SPACA6: variants seen among roughly 807,000 people sequenced by gnomAD.
SPACA6 encodes sperm acrosome membrane-associated protein 6.
For synonymous variants in SPACA6, 6 were observed against 1.5 expected, an observed-to-expected ratio of 4.05 and a Z score of -2.21; for missense variants, 8 against 2.8, an observed-to-expected ratio of 2.88 and a Z score of -1.34.
At chr19:51,694,449 C>T in intron 1 of SPACA6, 29 bp from the exon 2 acceptor site, 1 of 399,584 alleles carries the variant, frequency 2.5e-6, no homozygotes, top group East Asian at 3.6e-5. Flanking sequence ...GCTGCCTCCC[C>T]CAGCCCCTGC....
chr19:51,707,231 T>C (rs1228811396), downstream of SPACA6, among the ~76,000 whole-genome samples: 3 of 49,502 alleles, frequency 6.1e-5, no homozygotes, highest in Non-Finnish European at 1.0e-4. Context: ...TCTCTCTCCC[T>C]TTTTTTTTTT....
At chr19:51,705,800 G>A (rs76889548), downstream of SPACA6, among the ~76,000 whole-genome samples, 11,996 of 151,966 alleles carry the variant, frequency 0.079, 596 homozygotes, top group African/African-American at 0.14. Flanking sequence ...GGGTTCAAGC[G>A]ATTCTTCTGC....
intron 2 of SPACA6, among the ~76,000 whole-genome samples, chr19:51,711,880 A>T (rs980649792): frequency 1.3e-4 from 20 of 152,312 alleles, no homozygotes; most frequent in African/African-American, 4.8e-4. Context: ...TCTTAGGGGG[A>T]TAAAGGGGTG....
At chr19:51,700,815 C>A (rs2083463215) in intron 2 of SPACA6, among the ~76,000 whole-genome samples, 1 of 152,062 alleles carries the variant, frequency 6.6e-6, no homozygotes. Context: ...AAACAGGGAA[C>A]TTGGTTAGAT....
At position 51,696,597 on chromosome 19, in the gene SPACA6, G is replaced by A. The variant is rs187475285; in HGVS notation, c.292+2042G>A. 1.5e-3 allele frequency among the ~76,000 whole-genome samples: 226 copies of A among 151,870 alleles called. 1 individual carries two copies. The highest frequency in any genetic ancestry group is 1.1e-3 in the Non-Finnish European group (76 of 67,938). ...CAAGTAGCTGGGACTATAGGTGTGC[G>A]CCACCATCTTTGGCTAATTTTTTAA... On this transcript the variant is annotated intron_variant, in intron 2 of 8. Transcript: ENST00000637797.
intron 2 of SPACA6, among the ~76,000 whole-genome samples, chr19:51,698,006 C>T (rs1005705291): frequency 6.6e-6 from 1 of 152,160 alleles, no homozygotes; most frequent in African/African-American, 2.4e-5. Flanking sequence ...GACACCATCT[C>T]ATACAATCAT....
upstream of SPACA6, among the ~76,000 whole-genome samples, chr19:51,688,937 G>GGAGGGA (rs2083343928): frequency 3.4e-5 from 5 of 147,360 alleles, no homozygotes; most frequent in Admixed American, 3.3e-4. Context: ...GAGAAGGGAG[G>GGAGGGA]GAGGGAGAGA....
At position 51,704,194 on chromosome 19, in the gene SPACA6, G is replaced by A. The variant is rs1161565141; in HGVS notation, c.730+8G>A. On this transcript the variant is annotated splice_region_variant and intron_variant, in intron 7 of 8. Coordinates refer to ENST00000637797, the MANE Select transcript of SPACA6 (RefSeq NM_001316972.2). The stretch of plus-strand genomic sequence containing the variant: ...TCTACTTCTTTCTTAACGGTGGGGC[G>A]GGGCGCGGCCGCGTGAGTGAGCGGG... 1 of 400,918 alleles carries A rather than the reference G, an allele frequency of 2.5e-6. No individual in the cohort carries two copies. The highest frequency in any genetic ancestry group is 2.1e-5 in the African/African-American group (1 of 48,684). 24.8% of individuals were successfully genotyped at this position (400,918 alleles called of 1,614,324 possible).
At chr19:51,708,204 G>T (rs117406907), downstream of SPACA6, among the ~76,000 whole-genome samples, 1 of 152,214 alleles carries the variant, frequency 6.6e-6, no homozygotes, top group Non-Finnish European at 1.5e-5. Flanking sequence ...AAACGATGCT[G>T]TTATCACCCA....
chr19:51,688,902 G>GGA (rs138147326), upstream of SPACA6, among the ~76,000 whole-genome samples: 27 of 70,928 alleles, frequency 3.8e-4, no homozygotes, highest in South Asian at 2.0e-3. Context: ...AGGGAAAGAG[G>GGA]GAGAGAGAGA....
At chr19:51,701,988 C>G (rs1282171211) in intron 3 of SPACA6, among the ~76,000 whole-genome samples, 1 of 152,154 alleles carries the variant, frequency 6.6e-6, no homozygotes, top group Non-Finnish European at 1.5e-5. Flanking sequence ...AGGAAAATTG[C>G]TTGAACCCTG....
chr19:51,693,221 C>G, upstream of SPACA6: 1 of 620,110 alleles, frequency 1.6e-6, no homozygotes, highest in South Asian at 1.6e-5. Context: ...CTGACCCCCA[C>G]CCCAGGGTCT....
upstream of SPACA6, chr19:51,693,023 CCT>C (rs2083389116): frequency 2.7e-6 from 1 of 367,726 alleles, no homozygotes; most frequent in Non-Finnish European, 5.5e-6. Context: ...GTTTTCCTTC[CCT>C]GTCTGTCTCC....
chr19:51,694,396 TCAGAAA>T (rs1454137884), intron 1 of SPACA6, 76 bp from the exon 2 acceptor site: 6 of 397,794 alleles, frequency 1.5e-5, no homozygotes, highest in African/African-American at 1.2e-4. Flanking sequence ...GGGCAGAGAC[TCAGAAA>T]CAGAATGTTC....
chr19:51,690,775 G>T (rs1271881222), upstream of SPACA6, among the ~76,000 whole-genome samples: 1 of 152,130 alleles, frequency 6.6e-6, no homozygotes, highest in African/African-American at 2.4e-5. Context: ...GTTGGCGGGT[G>T]GGGGAGATGC....
At chr19:51,698,631 A>G (rs2083446894) in intron 2 of SPACA6, among the ~76,000 whole-genome samples, 1 of 152,156 alleles carries the variant, frequency 6.6e-6, no homozygotes, top group South Asian at 2.1e-4. Context: ...CTCATTTGGA[A>G]CCCACTTCTG....
chr19:51,702,496 C>T, intron 3 of SPACA6, 133 bp from the exon 4 acceptor site: 1 of 395,782 alleles, frequency 2.5e-6, no homozygotes, highest in African/African-American at 2.1e-5. Context: ...TGACCCCGCC[C>T]CCAGGTTATG....
chr19:51,693,007 A>C, upstream of SPACA6: 1 of 371,512 alleles, frequency 2.7e-6, no homozygotes, highest in South Asian at 2.0e-5. Context: ...CCTTCCCCTG[A>C]AATCTGTTTT....
upstream of SPACA6, chr19:51,692,498 G>A: frequency 2.4e-6 from 1 of 417,648 alleles, no homozygotes; most frequent in Non-Finnish European, 4.7e-6. The surrounding 1 kb of genome is among the most constrained non-coding windows in gnomAD (Gnocchi z 5.6). Context: ...GGTTCTTTAG[G>A]GAGGAGGGGG....
Sources: allele counts gnomAD v4.1 joint callset (sites outside exome capture counted in the v4.1 genomes callset), GRCh38; gene constraint gnomAD v4.1.1; non-coding constraint Gnocchi (gnomAD v3.1); transcripts MANE v1.5; gene names NCBI Gene and HGNC (gene_info 2026-07-23, HGNC 2026-07-21).